NRDC: variants seen among roughly 807,000 people sequenced by gnomAD.
The protein encoded by NRDC is nardilysin convertase, also known as nardilysin.
Under a neutral mutation model 147.1 loss-of-function variants are expected in NRDC, and 54 were observed. The ratio of observed to expected loss-of-function variants is 0.37; its 90% CI spans 0.29 to 0.46. The LOEUF (loss-of-function observed/expected upper bound fraction) is 0.46. NRDC is among the 20% of genes least tolerant of loss of function. The pLI is 1.00. For missense variants in NRDC, 1,082 were observed against 1,370.6 expected, an observed-to-expected ratio of 0.79 and a Z score of 3.33; for synonymous variants, 440 against 482.1, an observed-to-expected ratio of 0.91 and a Z score of 1.14.
intron 19 of NRDC, among the ~76,000 whole-genome samples, chr1:51,804,257 C>T (rs940602858): frequency 2.0e-5 from 3 of 152,198 alleles, no homozygotes; most frequent in Non-Finnish European, 2.9e-5. Flanking sequence ...GGCCTGAAGG[C>T]TCTGTCTACC....
At chr1:51,848,315 A>C (rs1317122678) in intron 1 of NRDC, among the ~76,000 whole-genome samples, 3 of 152,268 alleles carry the variant, frequency 2.0e-5, no homozygotes, top group African/African-American at 7.2e-5. Context: ...CTCTACTAAA[A>C]ATACAAAAAA....
Position 51,870,299 on chromosome 1 carries a change from G to C in NRDC, c.341+7976C>G, listed in dbSNP as rs562199313. Among the ~76,000 whole-genome samples, 3 of 152,300 alleles carry C rather than the reference G, an allele frequency of 2.0e-5. No homozygotes were observed. In the East Asian group the frequency reaches 5.8e-4, roughly 29 times the overall value. Reference sequence around the variant, plus strand: ...TGAAGAGGGGAACACATCAGCTACAGAAAGACTAGTACCATTTGTGTCAAC... The same window carrying C: ...TGAAGAGGGGAACACATCAGCTACACAAAGACTAGTACCATTTGTGTCAAC... On this transcript the variant is annotated intron_variant, in intron 1 of 30. Coordinates refer to ENST00000352171, the MANE Select transcript of NRDC (RefSeq NM_001101662.2).
At chr1:51,809,535 G>A (rs1679616685) in intron 16 of NRDC, 134 bp from the exon 17 acceptor site, 1 of 708,414 alleles carries the variant, frequency 1.4e-6, no homozygotes, top group Non-Finnish European at 2.6e-6. Context: ...ACATATCCAG[G>A]CATTCTAGAA....
chr1:51,790,615 T>C lies in NRDC; in HGVS notation c.3086A>G (p.Asp1029Gly). ...TALIKLKECE[D>G]THLGEEVDRN... ...ATCCACCTCCTCCCCAAGGTGGGTA[T>C]CCTCACACTCCTTCAGCTTGATGAG... The change falls in exon 29 of 31, where the codon GAT becomes GGT. Residue 1029 changes from aspartate to glycine, a missense_variant. By Grantham distance (94) the Asp-to-Gly change is moderately conservative (BLOSUM62 -1). Around this residue, in one of 3 missense-constraint regions of NRDC, gnomAD observed 187 missense variants for 193.6 expected, o/e 0.97. Coordinates refer to ENST00000352171, the MANE Select transcript of NRDC (RefSeq NM_001101662.2). The C allele has an allele frequency of 1.2e-6, 2 of 1,613,562 alleles. No individual in the cohort carries two copies. Among genetic ancestry groups the C allele is most frequent in the Non-Finnish European group, 1.7e-6 (2 of 1,179,490 alleles).
chr1:51,818,847 T>G (rs1173183914), intron 9 of NRDC, among the ~76,000 whole-genome samples: 1 of 152,218 alleles, frequency 6.6e-6, no homozygotes, highest in East Asian at 1.9e-4. Context: ...TCTGCAATAT[T>G]CACTGTAGGC....
At chr1:51,809,603 AAT>A (rs1679620382) in intron 16 of NRDC, among the ~76,000 whole-genome samples, 1 of 152,178 alleles carries the variant, frequency 6.6e-6, no homozygotes, top group Non-Finnish European at 1.5e-5. Context: ...GATTGTCAGA[AAT>A]GCAGAATCTG....
chr1:51,839,447 G>C (rs1681156528), intron 2 of NRDC, among the ~76,000 whole-genome samples: 1 of 151,974 alleles, frequency 6.6e-6, no homozygotes, highest in African/African-American at 2.4e-5. Context: ...GTACCATGTT[G>C]AATATATTAT....
At chr1:51,798,051 T>G (rs1679014344) in intron 22 of NRDC, 198 bp downstream of exon 22, 1 of 527,336 alleles carries the variant, frequency 1.9e-6, no homozygotes, top group Non-Finnish European at 3.3e-6. Context: ...ATTACAGGCG[T>G]GAGCCATCAT....
intron 25 of NRDC, 25 bp from the exon 26 acceptor site, chr1:51,792,123 AGC>A (rs1678685817): frequency 1.2e-6 from 2 of 1,613,330 alleles, no homozygotes; most frequent in Non-Finnish European, 1.7e-6. Context: ...ACTGCCCATC[AGC>A]CCAACTCCTC....
intron 1 of NRDC, among the ~76,000 whole-genome samples, chr1:51,876,223 C>A (rs544378186): frequency 2.0e-5 from 3 of 152,204 alleles, no homozygotes; most frequent in African/African-American, 7.2e-5. Context: ...AAACTAAGCA[C>A]CTTTTATCAA....
chr1:51,789,716 A>G (rs1557892979), intron 29 of NRDC, 59 bp from the exon 30 acceptor site: 2 of 1,209,102 alleles, frequency 1.7e-6, no homozygotes, highest in Non-Finnish European at 2.5e-6. Flanking sequence ...TCTTAAACCT[A>G]ACCCCCAGGC....
chr1:51,855,828 G>A (rs186209841), intron 1 of NRDC, among the ~76,000 whole-genome samples: 24 of 152,014 alleles, frequency 1.6e-4, no homozygotes, highest in African/African-American at 5.8e-4. Context: ...AGCCAAGATT[G>A]CGCCATGGCA....
chr1:51,836,757 A>G (rs1180495690), intron 2 of NRDC, among the ~76,000 whole-genome samples: 4 of 152,188 alleles, frequency 2.6e-5, no homozygotes, highest in African/African-American at 9.7e-5. Context: ...AAAAAAAGAT[A>G]AAATCGGTAG....
intron 15 of NRDC, among the ~76,000 whole-genome samples, chr1:51,811,622 A>G (rs1234267054): frequency 6.6e-6 from 1 of 152,226 alleles, no homozygotes; most frequent in Non-Finnish European, 1.5e-5. Context: ...CAAAATGATT[A>G]AAAATTTAAT....
intron 8 of NRDC, 65 bp from the exon 9 acceptor site, chr1:51,819,938 G>C: frequency 1.7e-6 from 2 of 1,155,754 alleles, no homozygotes; most frequent in South Asian, 2.6e-5. Context: ...TATCTTTAGG[G>C]ATATCTAACT....
chr1:51,849,204 G>A (rs1003130969), intron 1 of NRDC, among the ~76,000 whole-genome samples: 19 of 151,998 alleles, frequency 1.3e-4, no homozygotes, highest in Middle Eastern at 3.4e-3. Flanking sequence ...GGCTAACACA[G>A]TGAAACCCCG....
rs3841790 is a variant in NRDC at position 51,840,524 on chromosome 1, G to GAA, written c.342-12_342-11dup. 35 of 1,464,844 alleles carry GAA rather than the reference G, an allele frequency of 2.4e-5. No individual in the cohort carries two copies. Among genetic ancestry groups the GAA allele is most frequent in the South Asian group, 1.9e-4 (14 of 74,008 alleles). 90.7% of individuals were successfully genotyped at this position (1,464,844 alleles called of 1,614,324 possible). A position where few individuals can be genotyped will look rare whatever the true frequency, so the allele number is the denominator to read the frequency against. ...CTGTAATTTGATGTATCTGGGGGGA[G>GAA]AAAAAAAAAATCACACATTTTGATT... On this transcript the variant is annotated splice_polypyrimidine_tract_variant and intron_variant, in intron 1 of 30. Coordinates refer to ENST00000352171, the MANE Select transcript of NRDC (RefSeq NM_001101662.2).
intron 4 of NRDC, among the ~76,000 whole-genome samples, chr1:51,830,781 G>A (rs1410898291): frequency 6.6e-6 from 1 of 152,236 alleles, no homozygotes; most frequent in Non-Finnish European, 1.5e-5. Flanking sequence ...CCATGGTAAA[G>A]ACGGCTTCCA....
intron 5 of NRDC, among the ~76,000 whole-genome samples, chr1:51,825,845 G>A (rs955724187): frequency 1.3e-5 from 2 of 152,184 alleles, no homozygotes; most frequent in Non-Finnish European, 2.9e-5. Context: ...AAGACTGAAT[G>A]TTTGTGTCCC....
Sources: gnomAD v4.1 joint callset for allele counts (sites outside exome capture counted in the v4.1 genomes callset) on GRCh38, gnomAD v4.1.1 for gene constraint, gnomAD v4.1.1 regional missense constraint, MANE v1.5 for transcripts, NCBI Gene and HGNC (gene_info 2026-07-23, HGNC 2026-07-21) for gene names.